FAF1: variants seen among roughly 807,000 people sequenced by gnomAD.
FAF1 encodes the protein FAS-associated factor 1.
FAF1 carries 25 observed loss-of-function variants against 92.5 expected under a neutral mutation model. That is an observed-to-expected ratio of 0.27 (90% CI 0.20 to 0.38). The LOEUF (loss-of-function observed/expected upper bound fraction) is 0.38, where lower values mean the gene tolerates loss of function less well. Ranked by LOEUF, FAF1 falls within the 10% of genes least tolerant of loss-of-function variation. The pLI is 1.00. For missense variants in FAF1, 636 were observed against 793.3 expected (o/e 0.80, Z 2.38); for synonymous variants, 234 against 273.2 (o/e 0.86, Z 1.42).
chr1:50,736,491 T>C (rs570018223), intron 6 of FAF1, among the ~76,000 whole-genome samples: 1 of 152,346 alleles, frequency 6.6e-6, no homozygotes, highest in Admixed American at 6.5e-5. Context: ...GGCTCACGCC[T>C]GTAATCCCAG....
intron 3 of FAF1, among the ~76,000 whole-genome samples, chr1:50,796,134 G>A (rs537067721): frequency 2.0e-5 from 3 of 151,764 alleles, no homozygotes; most frequent in Admixed American, 1.3e-4. Flanking sequence ...AGAATAAATA[G>A]TGAAAGAAGA....
chr1:50,602,282 C>G (rs961690605), intron 8 of FAF1, among the ~76,000 whole-genome samples: 1 of 152,160 alleles, frequency 6.6e-6, no homozygotes, highest in African/African-American at 2.4e-5. Flanking sequence ...TCATCGTCCT[C>G]ACAAGACACT....
intron 1 of FAF1, among the ~76,000 whole-genome samples, chr1:50,864,118 C>T (rs574855360): frequency 2.2e-4 from 33 of 150,842 alleles, no homozygotes; most frequent in African/African-American, 5.8e-4. Flanking sequence ...GTCTTGCTAG[C>T]GGTCTATCAA....
At chr1:50,623,718 G>A (rs1653322648) in intron 8 of FAF1, among the ~76,000 whole-genome samples, 1 of 152,058 alleles carries the variant, frequency 6.6e-6, no homozygotes, top group South Asian at 2.1e-4. Flanking sequence ...AAGGTGGGAG[G>A]ATCACTTGAG....
intron 1 of FAF1, among the ~76,000 whole-genome samples, chr1:50,932,225 T>C (rs1244768086): frequency 1.3e-5 from 2 of 152,118 alleles, no homozygotes; most frequent in Admixed American, 6.6e-5. Flanking sequence ...CCCAAAGCCG[T>C]AACTCATTTC....
At chr1:50,632,849 CT>C (rs960641687) in intron 8 of FAF1, among the ~76,000 whole-genome samples, 1 of 152,134 alleles carries the variant, frequency 6.6e-6, no homozygotes, top group African/African-American at 2.4e-5. Flanking sequence ...GTATTGGCTT[CT>C]TATGACCTCC....
chr1:50,584,299 G>C (rs190733205), intron 10 of FAF1, among the ~76,000 whole-genome samples: 1 of 152,074 alleles, frequency 6.6e-6, no homozygotes, highest in Admixed American at 6.6e-5. Flanking sequence ...GATGGGTACC[G>C]TTGAATAGAA....
Position 50,744,758 on chromosome 1 carries a change from G to C in FAF1, c.385C>G (p.Leu129Val), listed in dbSNP as rs772853999. The change falls in exon 5 of 19, where the codon CTA (leucine) becomes GTA (valine). Residue 129 changes from leucine to valine, a missense_variant. Physicochemically the swap from Leu to Val is conservative, Grantham distance 32. Coordinates refer to ENST00000396153, the MANE Select transcript of FAF1 (RefSeq NM_007051.3). ...TCTVGEIKQI[L>V]ENELQIPVSK... ...ACAGGTATCTGAAGTTCATTTTCTA[G>C]AATCTGTTTAATCTCTCCTGTATAA... 2.5e-6 allele frequency: 4 copies of C among 1,602,474 alleles called. No individual in the cohort carries two copies. The highest frequency in any genetic ancestry group is 1.7e-4 in the Middle Eastern group (1 of 6,038).
At chr1:50,653,552 G>T (rs968376785) in intron 8 of FAF1, among the ~76,000 whole-genome samples, 1 of 152,138 alleles carries the variant, frequency 6.6e-6, no homozygotes, top group African/African-American at 2.4e-5. Flanking sequence ...GTTTCACCAT[G>T]TTGGCCAGGC....
intron 15 of FAF1, among the ~76,000 whole-genome samples, chr1:50,527,373 T>C (rs918439328): frequency 4.6e-5 from 7 of 152,226 alleles, no homozygotes; most frequent in African/African-American, 1.4e-4. Context: ...GAGTTCTTTA[T>C]ATATTCCAGA....
intron 8 of FAF1, among the ~76,000 whole-genome samples, chr1:50,606,643 G>A (rs181986485): frequency 1.4e-3 from 207 of 151,934 alleles, no homozygotes; most frequent in Admixed American, 9.3e-3. Context: ...GGGATTATAG[G>A]GATGCGCCAC....
chr1:50,510,570 T>C (rs1309798720), intron 15 of FAF1, among the ~76,000 whole-genome samples: 2 of 152,176 alleles, frequency 1.3e-5, no homozygotes, highest in Non-Finnish European at 2.9e-5. Context: ...AGTCAGTCCC[T>C]ATGTGTCAGG....
chr1:50,822,758 C>CTTTCT (rs1303849706), intron 2 of FAF1, among the ~76,000 whole-genome samples: 1 of 143,534 alleles, frequency 7.0e-6, no homozygotes. Context: ...TTCTTTCTTT[C>CTTTCT]TTTCTTTCTT....
At chr1:50,468,428 G>A (rs1476601714) in intron 18 of FAF1, among the ~76,000 whole-genome samples, 3 of 148,240 alleles carry the variant, frequency 2.0e-5, no homozygotes, top group Admixed American at 1.3e-4. Flanking sequence ...AAGTAGATGG[G>A]ATTACAGGTG....
chr1:50,587,765 A>AGTGCT (rs2124041841), intron 9 of FAF1, among the ~76,000 whole-genome samples: 2 of 152,346 alleles, frequency 1.3e-5, no homozygotes, highest in African/African-American at 4.8e-5. Flanking sequence ...GGAGCACCAT[A>AGTGCT]TATTATACAC....
At chr1:50,684,175 TAAC>T (rs1188817334) in intron 7 of FAF1, among the ~76,000 whole-genome samples, 1 of 151,474 alleles carries the variant, frequency 6.6e-6, no homozygotes, top group Non-Finnish European at 1.5e-5. Context: ...AGGAGTAGCT[TAAC>T]AAGGTGATAA....
chr1:50,583,862 A>G lies in FAF1; in HGVS notation c.968-147T>C. The G allele has an allele frequency of 1.9e-6, 1 of 514,006 alleles. No homozygotes were observed. Among genetic ancestry groups the G allele is most frequent in the Non-Finnish European group, 3.5e-6 (1 of 289,832 alleles). The allele number at this position is 514,006 out of a possible 1,614,324, so 31.8% of individuals were successfully genotyped here. On this transcript the variant is annotated intron_variant, in intron 10 of 18. Transcript: ENST00000396153. This position sits in a 1 kb window ranked among gnomAD's most constrained non-coding sequence, Gnocchi z 4.2. ...AATTAAATTTTAGCTTCTGTGATAT[A>G]TCTGAGGGGATAGTTTAACTCAACA...
chr1:50,728,405 C>T (rs955113114), intron 6 of FAF1, among the ~76,000 whole-genome samples: 4 of 152,016 alleles, frequency 2.6e-5, no homozygotes, highest in South Asian at 2.1e-4. Flanking sequence ...CGATAAAAGA[C>T]GAAGTTAGAG....
At chr1:50,530,176 T>G (rs1158870861) in intron 15 of FAF1, among the ~76,000 whole-genome samples, 1 of 151,928 alleles carries the variant, frequency 6.6e-6, no homozygotes, top group East Asian at 1.9e-4. Context: ...TACAGCTATC[T>G]CAGGGAAAAT....
Sources: allele counts gnomAD v4.1 joint callset (sites outside exome capture counted in the v4.1 genomes callset), GRCh38; gene constraint gnomAD v4.1.1; non-coding constraint Gnocchi (gnomAD v3.1); transcripts MANE v1.5; gene names NCBI Gene and HGNC (gene_info 2026-07-23, HGNC 2026-07-21).